The following PAK1 variants were observed in gnomAD, a reference collection of about 807,000 sequenced individuals.
PAK1 encodes serine/threonine-protein kinase PAK 1.
In PAK1, 29 loss-of-function variants were observed where a neutral mutation model predicts 67.4. The observed-to-expected ratio is 0.43, with a 90% CI of 0.32 to 0.59. The LOEUF (loss-of-function observed/expected upper bound fraction) is 0.59, where lower values mean the gene tolerates loss of function less well. Among genes scored for constraint, PAK1 ranks in the 20% least tolerant of loss-of-function variants. PAK1 has a pLI of 0.07. For missense variants in PAK1, 337 were observed against 670.7 expected (o/e 0.50, Z 5.50); for synonymous variants, 223 against 237.4 (o/e 0.94, Z 0.56).
Position 77,367,500 on chromosome 11 carries a change from G to A in PAK1, c.477+6828C>T, listed in dbSNP as rs561579942. Among the ~76,000 whole-genome samples, 5 of 152,082 alleles carry A rather than the reference G, an allele frequency of 3.3e-5. No homozygotes were observed. The South Asian group carries it at 8.3e-4, about 25-fold the overall frequency. On this transcript the variant is annotated intron_variant, in intron 5 of 14. Coordinates refer to ENST00000356341, the MANE Select transcript of PAK1 (RefSeq NM_002576.5). ...GAGATAAGAAAATATATCAATTCTG[G>A]AAACAAGAATGCTATATATTTTCTT...
the PAK1 span, among the ~76,000 whole-genome samples, chr11:77,525,653 T>A: frequency 6.3e-3 from 953 of 152,326 alleles, 9 homozygotes; most frequent in African/African-American, 0.022. Flanking sequence ...AGTGAGATGA[T>A]GGGAGGGCTC....
chr11:77,355,651 A>G lies in PAK1; in HGVS notation c.772+17T>C. 6.2e-7 allele frequency: 1 copy of G among 1,604,750 alleles called. No homozygotes were observed. The highest frequency in any genetic ancestry group is 1.7e-5 in the Admixed American group (1 of 59,872). ...TCATAAAACGAAGAAAGGTTCAGAA[A>G]GCTACAAATTCCTTACGTAATTTCT... On this transcript the variant is annotated intron_variant, in intron 7 of 14. Coordinates refer to ENST00000356341, the MANE Select transcript of PAK1 (RefSeq NM_002576.5).
At chr11:77,486,939 G>T in the PAK1 span, among the ~76,000 whole-genome samples, 2 of 152,200 alleles carry the variant, frequency 1.3e-5, no homozygotes, top group Admixed American at 6.5e-5. Flanking sequence ...GGACTTAGGG[G>T]TTATGTGACC....
At chr11:77,348,040 C>T (rs1335905029) in intron 9 of PAK1, among the ~76,000 whole-genome samples, 1 of 152,126 alleles carries the variant, frequency 6.6e-6, no homozygotes, top group Non-Finnish European at 1.5e-5. Context: ...TTGGCTTACC[C>T]TAGGTGGAGC....
rs569062788 is a variant in PAK1, at chr11:77,458,891, T to C, written c.-22+14661A>G. Among the ~76,000 whole-genome samples, 200 of 152,274 alleles carry C rather than the reference T, an allele frequency of 1.3e-3. 2 individuals carry two copies. Among genetic ancestry groups the C allele is most frequent in the African/African-American group, 4.3e-3 (178 of 41,542 alleles). On this transcript the variant is annotated intron_variant, in intron 1 of 14. Transcript: ENST00000356341. Reference sequence around the variant, plus strand: ...ACTACATGCCAGGCACTGATCAAGATACTGAAGATACAGCAAAGAACAAAA... The same window carrying C: ...ACTACATGCCAGGCACTGATCAAGACACTGAAGATACAGCAAAGAACAAAA...
chr11:77,442,257 G>T (rs1291350626), intron 1 of PAK1, among the ~76,000 whole-genome samples: 1 of 152,152 alleles, frequency 6.6e-6, no homozygotes, highest in Non-Finnish European at 1.5e-5. Flanking sequence ...CCTGGTATTT[G>T]CATCCTTGTA....
At chr11:77,423,147 G>A (rs186343067) in intron 1 of PAK1, among the ~76,000 whole-genome samples, 2 of 151,872 alleles carry the variant, frequency 1.3e-5, no homozygotes, top group East Asian at 1.9e-4. Flanking sequence ...TTACTAGTCT[G>A]AAACATTGAT....
intron 1 of PAK1, among the ~76,000 whole-genome samples, chr11:77,457,115 G>A (rs1957116844): frequency 6.6e-6 from 1 of 152,128 alleles, no homozygotes; most frequent in Admixed American, 6.5e-5. Flanking sequence ...AAACTACTCT[G>A]GCCAGATCAC....
the PAK1 span, among the ~76,000 whole-genome samples, chr11:77,517,382 G>C: frequency 6.6e-6 from 1 of 152,204 alleles, no homozygotes; most frequent in Admixed American, 6.5e-5. Context: ...TGTGTAAAAA[G>C]GAAGGGGCAG....
the PAK1 span, among the ~76,000 whole-genome samples, chr11:77,494,353 T>G: frequency 1.3e-5 from 2 of 152,218 alleles, no homozygotes; most frequent in South Asian, 4.1e-4. Flanking sequence ...TGCTGCTAAA[T>G]GTAAAACAAA....
chr11:77,337,740 TG>T (rs1220522044), intron 11 of PAK1, among the ~76,000 whole-genome samples: 1 of 152,038 alleles, frequency 6.6e-6, no homozygotes, highest in East Asian at 1.9e-4. Flanking sequence ...GAGAAATTAC[TG>T]AAGAAAAATG....
chr11:77,460,224 AGAAG>A (rs1197805550), intron 1 of PAK1, among the ~76,000 whole-genome samples: 1 of 151,598 alleles, frequency 6.6e-6, no homozygotes, highest in Non-Finnish European at 1.5e-5. Context: ...AAGAAAAAAA[AGAAG>A]GAAGGGAGGA....
intron 1 of PAK1, among the ~76,000 whole-genome samples, chr11:77,393,463 T>TA (rs893791377): frequency 6.6e-6 from 1 of 151,836 alleles, no homozygotes; most frequent in East Asian, 1.9e-4. Flanking sequence ...CCCATCTAAT[T>TA]AAAAAAAATT....
At chr11:77,504,394 A>G in the PAK1 span, among the ~76,000 whole-genome samples, 2 of 152,136 alleles carry the variant, frequency 1.3e-5, no homozygotes, top group Non-Finnish European at 2.9e-5. Flanking sequence ...TCTACATTCA[A>G]TCTGTTTCAG....
upstream of PAK1, chr11:77,474,306 G>A (rs1325253758): frequency 6.6e-6 from 1 of 152,094 alleles, no homozygotes; most frequent in Non-Finnish European, 1.5e-5. Flanking sequence ...CGACCCGTGG[G>A]AGCGAGGCCA....
chr11:77,331,386 A>G lies in PAK1; in HGVS notation c.1551+1344T>C, dbSNP rs1289465282. On this transcript the variant is annotated intron_variant, in intron 14 of 14. Coordinates refer to ENST00000356341, the MANE Select transcript of PAK1 (RefSeq NM_002576.5). ...AACAGCAAAGACTTGGAACCAACCT[A>G]AATGTCCAACAACGATAGACTGGAT... 2.6e-5 allele frequency among the ~76,000 whole-genome samples: 4 copies of G among 152,242 alleles called. No individual in the cohort carries two copies. In the East Asian group the frequency reaches 7.7e-4, roughly 29 times the overall value.
At chr11:77,473,372 G>C (rs1330593342) in intron 1 of PAK1, 180 bp downstream of exon 1, 2 of 152,222 alleles carry the variant, frequency 1.3e-5, no homozygotes, top group Non-Finnish European at 2.9e-5. Flanking sequence ...GGCCCGACGG[G>C]AGCGGGCCTC....
intron 1 of PAK1, among the ~76,000 whole-genome samples, chr11:77,441,612 T>TC (rs35987951): frequency 2.0e-5 from 3 of 152,200 alleles, no homozygotes; most frequent in African/African-American, 7.2e-5. Flanking sequence ...GTTTAACACT[T>TC]CCTTGTTATA....
At chr11:77,417,507 G>A (rs1239943648) in intron 1 of PAK1, among the ~76,000 whole-genome samples, 1 of 152,140 alleles carries the variant, frequency 6.6e-6, no homozygotes, top group East Asian at 1.9e-4. Context: ...TGAAGCACGG[G>A]GCATTTTTAG....
Sources: gnomAD v4.1 joint callset for allele counts (sites outside exome capture counted in the v4.1 genomes callset) on GRCh38, gnomAD v4.1.1 for gene constraint, MANE v1.5 for transcripts, NCBI Gene and HGNC (gene_info 2026-07-23, HGNC 2026-07-21) for gene names.